Variants in COMMD10 observed in about 807,000 individuals in gnomAD.
COMMD10 encodes COMM domain containing 10, also known as COMM domain-containing protein 10.
A neutral mutation model predicts 28.9 loss-of-function variants in COMMD10; 33 were observed. That is an observed-to-expected ratio of 1.14 (90% CI 0.87 to 1.53). COMMD10 has a LOEUF of 1.53. Among genes scored for constraint, COMMD10 ranks in the 40% most tolerant of loss-of-function variants. COMMD10 has a pLI of 0.00. For missense variants in COMMD10, 310 were observed against 233.4 expected, an observed-to-expected ratio of 1.33 and a Z score of -2.14; for synonymous variants, 110 against 81.7, an observed-to-expected ratio of 1.35 and a Z score of -1.87.
At chr5:116,248,146 A>G (rs1008661871) in intron 5 of COMMD10, among the ~76,000 whole-genome samples, 3 of 150,110 alleles carry the variant, frequency 2.0e-5, no homozygotes, top group Non-Finnish European at 3.0e-5. Flanking sequence ...AAAAAAAAAA[A>G]TAACTGAGCA....
intron 5 of COMMD10, among the ~76,000 whole-genome samples, chr5:116,150,228 G>T (rs1348772231): frequency 6.6e-6 from 1 of 152,004 alleles, no homozygotes; most frequent in Non-Finnish European, 1.5e-5. Context: ...CTCTGTTTTG[G>T]TACCAGTACC....
chr5:116,195,802 T>C (rs1404913834), intron 5 of COMMD10, among the ~76,000 whole-genome samples: 1 of 151,316 alleles, frequency 6.6e-6, no homozygotes, highest in Non-Finnish European at 1.5e-5. Context: ...CAAAAGAAAA[T>C]ATAACAAATG....
At chr5:116,189,519 G>A (rs1293565071) in intron 5 of COMMD10, among the ~76,000 whole-genome samples, 1 of 152,080 alleles carries the variant, frequency 6.6e-6, no homozygotes, top group Non-Finnish European at 1.5e-5. Flanking sequence ...TCATCATTTT[G>A]TGTGCCATCC....
At chr5:116,241,323 A>C (rs946588319) in intron 5 of COMMD10, among the ~76,000 whole-genome samples, 4 of 152,198 alleles carry the variant, frequency 2.6e-5, no homozygotes, top group African/African-American at 9.7e-5. Flanking sequence ...CCCTGGAGCA[A>C]AATCAAAACA....
At chr5:116,261,156 ATAAC>A (rs1009103598) in intron 5 of COMMD10, among the ~76,000 whole-genome samples, 9 of 151,840 alleles carry the variant, frequency 5.9e-5, no homozygotes, top group Non-Finnish European at 7.4e-5. Flanking sequence ...GAAGAAAACT[ATAAC>A]TAATTAAATT....
At chr5:116,212,496 C>CTGTGTGTGTGTGTGTGTG (rs11268771) in intron 5 of COMMD10, among the ~76,000 whole-genome samples, 15,471 of 63,758 alleles carry the variant, frequency 0.24, 1,612 homozygotes, top group Non-Finnish European at 0.35. Context: ...TACTGAAATG[C>CTGTGTGTGTGTGTGTGTG]TGTGTGTGTG....
At chr5:116,159,203 C>A (rs1561638657) in intron 5 of COMMD10, among the ~76,000 whole-genome samples, 1 of 152,168 alleles carries the variant, frequency 6.6e-6, no homozygotes, top group African/African-American at 2.4e-5. Context: ...CCTGTAAGAA[C>A]CCACATGATC....
At chr5:116,177,211 G>C (rs1189150706) in intron 5 of COMMD10, among the ~76,000 whole-genome samples, 1 of 152,088 alleles carries the variant, frequency 6.6e-6, no homozygotes, top group African/African-American at 2.4e-5. Flanking sequence ...TGGGAAACTT[G>C]GGAGGGGTTG....
chr5:116,191,994 G>A (rs1023787526), intron 5 of COMMD10, among the ~76,000 whole-genome samples: 2 of 151,518 alleles, frequency 1.3e-5, no homozygotes, highest in Admixed American at 1.3e-4. Context: ...ATGTGATATT[G>A]TGCAGACAAC....
At chr5:116,233,071 G>A (rs928230916) in intron 5 of COMMD10, among the ~76,000 whole-genome samples, 1 of 152,090 alleles carries the variant, frequency 6.6e-6, no homozygotes, top group Non-Finnish European at 1.5e-5. Context: ...GAACGCTTAC[G>A]ATTGGGCCAG....
intron 5 of COMMD10, among the ~76,000 whole-genome samples, chr5:116,154,614 T>C (rs1752645390): frequency 2.6e-5 from 4 of 152,140 alleles, no homozygotes; most frequent in Admixed American, 2.6e-4. Flanking sequence ...TAGGTAAGAC[T>C]TATACATTAA....
intron 5 of COMMD10, among the ~76,000 whole-genome samples, chr5:116,257,608 G>A (rs1354196849): frequency 2.0e-5 from 3 of 151,594 alleles, no homozygotes; most frequent in Admixed American, 2.0e-4. Context: ...TTTCTTAGCA[G>A]GGGGCCCTTT....
rs73780897 is a variant in COMMD10, at chr5:116,224,372, T to C, written c.511-67145T>C. On this transcript the variant is annotated intron_variant, in intron 5 of 6. Coordinates refer to ENST00000274458, the MANE Select transcript of COMMD10 (RefSeq NM_016144.4). ...TAGTATATTAATCCATTTTTGTTGG[T>C]ATAAAGGAATATCTGAGACTGGGTA... is the stretch of plus-strand genomic sequence containing the variant. 4.3e-3 allele frequency among the ~76,000 whole-genome samples: 657 copies of C among 152,234 alleles called. 4 individuals carry two copies. The highest frequency in any genetic ancestry group is 0.015 in the African/African-American group (614 of 41,518).
intron 4 of COMMD10, among the ~76,000 whole-genome samples, chr5:116,125,851 T>G (rs998596977): frequency 6.6e-6 from 1 of 151,814 alleles, no homozygotes; most frequent in Non-Finnish European, 1.5e-5. Context: ...GGAAGCATTC[T>G]CTTTGAAAAC....
chr5:116,160,640 C>G (rs906153703), intron 5 of COMMD10, among the ~76,000 whole-genome samples: 7 of 152,050 alleles, frequency 4.6e-5, no homozygotes, highest in African/African-American at 1.7e-4. Context: ...AAAGTAATGC[C>G]TGTATTGAAA....
intron 5 of COMMD10, among the ~76,000 whole-genome samples, chr5:116,222,567 T>A (rs1639918703): frequency 6.6e-6 from 1 of 152,184 alleles, no homozygotes; most frequent in African/African-American, 2.4e-5. Context: ...TTTAATGTTC[T>A]TTTCAGGAAC....
At chr5:116,157,280 A>G (rs150792642) in intron 5 of COMMD10, among the ~76,000 whole-genome samples, 1,933 of 152,250 alleles carry the variant, frequency 0.013, 13 homozygotes, top group Non-Finnish European at 0.018. Context: ...TCAGTTAGCT[A>G]TTGCTAATAA....
At chr5:116,225,750 C>G (rs974292419) in intron 5 of COMMD10, among the ~76,000 whole-genome samples, 3 of 152,006 alleles carry the variant, frequency 2.0e-5, no homozygotes, top group Non-Finnish European at 4.4e-5. Flanking sequence ...ACCACTCAAG[C>G]TGTAAATGAT....
intron 5 of COMMD10, among the ~76,000 whole-genome samples, chr5:116,260,092 G>C (rs1248446941): frequency 6.6e-6 from 1 of 151,452 alleles, no homozygotes. Flanking sequence ...GAATTTGAGG[G>C]GAAAGGAAAG....
Sources: gnomAD v4.1 joint callset for allele counts (sites outside exome capture counted in the v4.1 genomes callset) on GRCh38, gnomAD v4.1.1 for gene constraint, MANE v1.5 for transcripts, NCBI Gene and HGNC (gene_info 2026-07-23, HGNC 2026-07-21) for gene names.